The following SLC4A10 variants were observed in gnomAD, a reference collection of about 807,000 sequenced individuals.
SLC4A10 encodes the protein sodium-driven chloride bicarbonate exchanger.
SLC4A10 carries 42 observed loss-of-function variants against 137.7 expected under a neutral mutation model. That is an observed-to-expected ratio of 0.30 (90% confidence interval 0.24 to 0.39). SLC4A10 has a LOEUF of 0.39. SLC4A10 is among the 10% of genes least tolerant of loss of function. SLC4A10 has a pLI of 1.00. For synonymous variants in SLC4A10, 474 were observed against 464.1 expected (o/e 1.02, Z -0.27); for missense variants, 925 against 1,355.0 (o/e 0.68, Z 4.98).
chr2:161,975,302 A>G (rs1355276107), intron 24 of SLC4A10, among the ~76,000 whole-genome samples: 1 of 152,196 alleles, frequency 6.6e-6, no homozygotes, highest in African/African-American at 2.4e-5. Context: ...GTCTTGTGTG[A>G]TACCACTCTC....
At chr2:161,794,365 G>A (rs552629103) in intron 2 of SLC4A10, among the ~76,000 whole-genome samples, 16 of 152,126 alleles carry the variant, frequency 1.1e-4, no homozygotes, top group Admixed American at 9.2e-4. Flanking sequence ...CTTCCAAGAG[G>A]GTGGATCTTA....
At chr2:161,851,974 C>T (rs1266477879) in intron 4 of SLC4A10, among the ~76,000 whole-genome samples, 1 of 152,142 alleles carries the variant, frequency 6.6e-6, no homozygotes, top group Non-Finnish European at 1.5e-5. Flanking sequence ...ACTCCAGCCT[C>T]GATCTCCTGG....
intron 2 of SLC4A10, among the ~76,000 whole-genome samples, chr2:161,776,102 C>T (rs562141992): frequency 1.3e-5 from 2 of 151,938 alleles, no homozygotes; most frequent in Non-Finnish European, 2.9e-5. Context: ...ACTAGTTAGT[C>T]GAGTTTGAAA....
intron 1 of SLC4A10, among the ~76,000 whole-genome samples, chr2:161,695,490 A>G (rs1049584559): frequency 2.6e-5 from 4 of 152,096 alleles, no homozygotes; most frequent in African/African-American, 9.7e-5. Flanking sequence ...CATCTTCTCA[A>G]TCTAAAATTA....
chr2:161,820,923 G>GT (rs1382951649), intron 3 of SLC4A10, among the ~76,000 whole-genome samples: 3 of 152,056 alleles, frequency 2.0e-5, no homozygotes, highest in African/African-American at 2.4e-5. Context: ...GAGAACTTAT[G>GT]TTTTTTTGCA....
intron 1 of SLC4A10, among the ~76,000 whole-genome samples, chr2:161,767,874 T>C (rs1266625658): frequency 6.6e-6 from 1 of 151,980 alleles, no homozygotes; most frequent in Non-Finnish European, 1.5e-5. Context: ...CCTACAATTT[T>C]CTTTGTTTGT....
chr2:161,887,080 T>C (rs1403414963), intron 10 of SLC4A10, among the ~76,000 whole-genome samples: 1 of 152,118 alleles, frequency 6.6e-6, no homozygotes, highest in Non-Finnish European at 1.5e-5. Flanking sequence ...CTGAGAGTGA[T>C]GGTTTCCAGC....
intron 21 of SLC4A10, among the ~76,000 whole-genome samples, chr2:161,962,515 C>T (rs1696894511): frequency 6.6e-6 from 1 of 151,998 alleles, no homozygotes; most frequent in South Asian, 2.1e-4. Context: ...TATTTAATGA[C>T]TTTTAAGTTT....
chr2:161,821,797 T>C (rs1044293462), intron 3 of SLC4A10, among the ~76,000 whole-genome samples: 1 of 152,200 alleles, frequency 6.6e-6, no homozygotes, highest in Non-Finnish European at 1.5e-5. Flanking sequence ...AATCCCTTTT[T>C]AAGATGTTAA....
At chr2:161,836,152 A>G (rs2125768413) in intron 3 of SLC4A10, among the ~76,000 whole-genome samples, 1 of 152,356 alleles carries the variant, frequency 6.6e-6, no homozygotes, top group Non-Finnish European at 1.5e-5. Context: ...TGCTGTCACT[A>G]TATCAGAAGC....
chr2:161,772,119 A>C (rs2051691344), intron 2 of SLC4A10, among the ~76,000 whole-genome samples: 1 of 151,820 alleles, frequency 6.6e-6, no homozygotes, highest in Non-Finnish European at 1.5e-5. Flanking sequence ...ACATACTCAG[A>C]TCTAAGAAGG....
chr2:161,962,348 A>G (rs1181849972), intron 21 of SLC4A10, among the ~76,000 whole-genome samples: 5 of 152,164 alleles, frequency 3.3e-5, no homozygotes, highest in Admixed American at 3.3e-4. Context: ...GCACCCACAC[A>G]CTGAAGTACA....
At chr2:161,746,863 T>C (rs1379331822) in intron 1 of SLC4A10, among the ~76,000 whole-genome samples, 1 of 152,116 alleles carries the variant, frequency 6.6e-6, no homozygotes, top group Non-Finnish European at 1.5e-5. Flanking sequence ...TCCGAGTCAC[T>C]CTAGAAATGT....
intron 3 of SLC4A10, among the ~76,000 whole-genome samples, chr2:161,815,449 C>T (rs1559312035): frequency 2.0e-5 from 3 of 152,082 alleles, no homozygotes; most frequent in African/African-American, 7.2e-5. Context: ...CCTGAGGCCT[C>T]TCCAGGCATA....
intron 1 of SLC4A10, among the ~76,000 whole-genome samples, chr2:161,634,244 C>T (rs542163209): frequency 6.6e-6 from 1 of 151,926 alleles, no homozygotes; most frequent in African/African-American, 2.4e-5. Context: ...TTGAGGTTTT[C>T]ATGGTTAGAT....
intron 1 of SLC4A10, among the ~76,000 whole-genome samples, chr2:161,661,270 C>T (rs913741426): frequency 6.6e-6 from 1 of 151,946 alleles, no homozygotes; most frequent in Non-Finnish European, 1.5e-5. Context: ...GTCAAGAGAT[C>T]GAGAGACTAT....
intron 6 of SLC4A10, among the ~76,000 whole-genome samples, chr2:161,868,659 G>C (rs2060917985): frequency 6.6e-6 from 1 of 151,498 alleles, no homozygotes; most frequent in African/African-American, 2.4e-5. Flanking sequence ...ACAAATATTA[G>C]AAATTTTGAT....
intron 15 of SLC4A10, among the ~76,000 whole-genome samples, chr2:161,921,351 T>A (rs1040804639): frequency 6.6e-6 from 1 of 152,066 alleles, no homozygotes; most frequent in African/African-American, 2.4e-5. Flanking sequence ...TTCTAATAAG[T>A]TTTATCTGGT....
intron 23 of SLC4A10, among the ~76,000 whole-genome samples, chr2:161,970,247 T>G (rs1169751177): frequency 6.6e-6 from 1 of 152,226 alleles, no homozygotes; most frequent in East Asian, 1.9e-4. Flanking sequence ...ATGAAAAATA[T>G]GTTACATTTA....
Sources: allele counts gnomAD v4.1 joint callset (sites outside exome capture counted in the v4.1 genomes callset), GRCh38; gene constraint gnomAD v4.1.1; transcripts MANE v1.5; gene names NCBI Gene and HGNC (gene_info 2026-07-23, HGNC 2026-07-21).